The following ACSL6 variants were observed in gnomAD, a reference collection of about 807,000 sequenced individuals.
ACSL6 encodes the protein long-chain-fatty-acid--CoA ligase 6.
Under a neutral mutation model 98.2 loss-of-function variants are expected in ACSL6, and 47 were observed. The observed-to-expected ratio is 0.48, with a 90% CI of 0.38 to 0.61. The LOEUF is 0.61. Among genes scored for constraint, ACSL6 ranks in the 20% least tolerant of loss-of-function variants. The pLI, the probability that ACSL6 is intolerant of heterozygous loss-of-function variation, is 0.00. For missense variants in ACSL6, 761 were observed against 913.4 expected, an observed-to-expected ratio of 0.83 and a Z score of 2.15; for synonymous variants, 362 against 336.9, an observed-to-expected ratio of 1.07 and a Z score of -0.82.
At chr5:131,996,819 A>AC (rs1754816693) in intron 1 of ACSL6, among the ~76,000 whole-genome samples, 1 of 152,236 alleles carries the variant, frequency 6.6e-6, no homozygotes. Flanking sequence ...TGGGAAGGAC[A>AC]CATGAGGAAA....
intron 2 of ACSL6, among the ~76,000 whole-genome samples, chr5:131,992,989 C>T (rs1208228395): frequency 1.3e-5 from 2 of 152,232 alleles, no homozygotes; most frequent in African/African-American, 4.8e-5. Flanking sequence ...CCATACACCT[C>T]AGAGGCACAG....
Position 131,970,172 on chromosome 5 carries a change from C to T in ACSL6, c.1463G>A (p.Cys488Tyr). Residue 488 changes from cysteine (C) to tyrosine (Y), a missense_variant, in exon 15 of 21, where the codon TGC becomes TAC. Cys to Tyr is a radical substitution (Grantham distance 194, BLOSUM62 -2). Coordinates refer to ENST00000651883, the MANE Select transcript of ACSL6 (RefSeq NM_001009185.3). ...AGTGGTGAAGGTACATCCAGCTGTG[C>T]ACTCAGTTTGGCCATAACCTTCATA... is the stretch of plus-strand genomic sequence containing the variant. ...QVYEGYGQTE[C>Y]TAGCTFTTPG... 1.2e-6 allele frequency: 2 copies of T among 1,614,114 alleles called. No homozygotes were observed. Among genetic ancestry groups the T allele is most frequent in the Non-Finnish European group, 1.7e-6 (2 of 1,180,030 alleles).
At chr5:131,966,117 A>G (rs1039574374) in intron 17 of ACSL6, among the ~76,000 whole-genome samples, 3 of 152,100 alleles carry the variant, frequency 2.0e-5, no homozygotes, top group Non-Finnish European at 4.4e-5. Flanking sequence ...CTCCTACTTC[A>G]CATCAGATTC....
chr5:132,001,143 C>G (rs552581213), intron 1 of ACSL6, among the ~76,000 whole-genome samples: 1 of 152,366 alleles, frequency 6.6e-6, no homozygotes, highest in Admixed American at 6.5e-5. Flanking sequence ...AATATGAAAG[C>G]TTCCTTTAAT....
chr5:132,011,835 C>G, upstream of ACSL6: 3 of 1,498,054 alleles, frequency 2.0e-6, no homozygotes, highest in Middle Eastern at 2.4e-4. This position sits in a 1 kb window ranked among gnomAD's most constrained non-coding sequence, Gnocchi z 5.4. Context: ...GTGTCGGAAC[C>G]GCCAAGCTCC....
At chr5:132,000,128 C>T (rs1285794956) in intron 1 of ACSL6, among the ~76,000 whole-genome samples, 1 of 151,896 alleles carries the variant, frequency 6.6e-6, no homozygotes, top group Non-Finnish European at 1.5e-5. Context: ...CCAGGGGCTG[C>T]CTCTGCTCCC....
intron 18 of ACSL6, among the ~76,000 whole-genome samples, chr5:131,961,646 G>A (rs908882415): frequency 2.0e-5 from 3 of 151,856 alleles, no homozygotes; most frequent in East Asian, 2.0e-4. Flanking sequence ...GCAGTGAGCC[G>A]AGATTGTGCC....
Position 131,985,445 on chromosome 5 carries a change from T to G in ACSL6, c.878A>C (p.Asp293Ala), listed in dbSNP as rs1376222687. Residue 293 changes from aspartate (D) to alanine (A), a missense_variant, in exon 9 of 21, where the codon GAT becomes GCT. By Grantham distance (126) the Asp-to-Ala change is moderately radical. Transcript: ENST00000651883. Reference protein sequence around the residue: ...NHQAPVPPQPDDLSIVCFTSG... With the variant: ...NHQAPVPPQPADLSIVCFTSG... ...TGTGAAACACACAATGGAGAGGTCA[T>G]CAGGCTGCGGGGGCTGCAGGGGTGA... is the stretch of plus-strand genomic sequence containing the variant. 6.2e-7 allele frequency: 1 copy of G among 1,613,956 alleles called. No individual in the cohort carries two copies. The highest frequency in any genetic ancestry group is 1.7e-5 in the Admixed American group (1 of 60,016).
At chr5:131,972,130 T>C (rs565981856) in intron 13 of ACSL6, among the ~76,000 whole-genome samples, 11 of 152,334 alleles carry the variant, frequency 7.2e-5, no homozygotes, top group Admixed American at 2.0e-4. Flanking sequence ...TTTATGTAAG[T>C]TGAGCCAAGA....
chr5:131,967,283 G>A (rs904230764), intron 16 of ACSL6, among the ~76,000 whole-genome samples: 74 of 152,238 alleles, frequency 4.9e-4, no homozygotes, highest in Non-Finnish European at 4.3e-4. Context: ...GGAGTTCGAG[G>A]CTATGGTCTC....
At chr5:131,989,703 C>G (rs572782230) in intron 4 of ACSL6, among the ~76,000 whole-genome samples, 195 bp from the exon 5 acceptor site, 10 of 145,862 alleles carry the variant, frequency 6.9e-5, no homozygotes, top group Non-Finnish European at 1.3e-4. Context: ...TCAAGCAATT[C>G]TCCTGTCAGC....
At chr5:131,959,324 A>G (rs899214511) in intron 20 of ACSL6, among the ~76,000 whole-genome samples, 1 of 152,206 alleles carries the variant, frequency 6.6e-6, no homozygotes, top group Non-Finnish European at 1.5e-5. Context: ...GAAAGTTTGT[A>G]ATTATAAGGA....
At chr5:132,010,595 T>G (rs370705223) in intron 1 of ACSL6, among the ~76,000 whole-genome samples, 2 of 152,184 alleles carry the variant, frequency 1.3e-5, no homozygotes, top group African/African-American at 4.8e-5. Flanking sequence ...ACACTAACAT[T>G]CATAGAGCAT....
chr5:132,001,446 A>T (rs770672752), intron 1 of ACSL6, among the ~76,000 whole-genome samples: 2 of 152,118 alleles, frequency 1.3e-5, no homozygotes, highest in Non-Finnish European at 2.9e-5. Context: ...TTTTAATTAG[A>T]TTCACAGAAC....
chr5:131,974,265 T>G (rs1266473000), intron 11 of ACSL6, among the ~76,000 whole-genome samples: 2 of 152,136 alleles, frequency 1.3e-5, no homozygotes, highest in East Asian at 3.9e-4. Context: ...GGATTCCTCC[T>G]CCCACTCCCT....
Position 131,989,508 on chromosome 5 carries a change from C to T in ACSL6, c.451G>A (p.Val151Met), listed in dbSNP as rs3763118. 554 of 1,610,556 alleles carry T rather than the reference C, an allele frequency of 3.4e-4. 4 individuals carry two copies. The Admixed American group carries it at 6.0e-3, about 17-fold the overall frequency. Residue 151 changes from valine to methionine, a missense_variant and splice_region_variant, in exon 5 of 21, where the codon GTG becomes ATG. Coordinates refer to ENST00000651883, the MANE Select transcript of ACSL6 (RefSeq NM_001009185.3). ...QPYQWLSYQEVADRAEFLGSG... is the reference protein window; with the variant it reads ...QPYQWLSYQEMADRAEFLGSG... ...CCCAGAAATTCAGCCCTGTCGGCCA[C>T]CTGCACACAGATGTGGGGAAGTGAT...
intron 1 of ACSL6, among the ~76,000 whole-genome samples, chr5:132,005,377 G>A (rs1755347629): frequency 6.6e-6 from 1 of 152,154 alleles, no homozygotes; most frequent in Non-Finnish European, 1.5e-5. Context: ...GGCCTGGATG[G>A]GTCTCCACTG....
In ACSL6 at chr5:131,953,152, G is replaced by T; in HGVS notation, c.*1082C>A. Reference sequence around the variant, plus strand: ...TTGTAGAGTCAACAGATGTCTTTTAGAATTCATTATAATAAGAAGTCCATG... The same window carrying T: ...TTGTAGAGTCAACAGATGTCTTTTATAATTCATTATAATAAGAAGTCCATG... On this transcript the variant is annotated 3_prime_UTR_variant, in exon 21 of 21. Transcript: ENST00000651883. The T allele has an allele frequency of 5.1e-6, 1 of 195,666 alleles. No individual in the cohort carries two copies. Among genetic ancestry groups the T allele is most frequent in the Non-Finnish European group, 1.1e-5 (1 of 94,392 alleles). The allele number at this position is 195,666 out of a possible 1,614,324, so 12.1% of individuals were successfully genotyped here. A position where few individuals can be genotyped will look rare whatever the true frequency, so the allele number is the denominator to read the frequency against.
At position 131,975,226 on chromosome 5, in the gene ACSL6, C is replaced by T. The variant is rs997663736; in HGVS notation, c.991-256G>A. The T allele has an allele frequency of 4.6e-5, 62 of 1,335,300 alleles. No individual in the cohort carries two copies. The East Asian group carries it at 8.7e-4, about 19-fold the overall frequency. 82.7% of individuals were successfully genotyped at this position (1,335,300 alleles called of 1,614,324 possible). The stretch of plus-strand genomic sequence containing the variant: ...CAGCATAGGAAGCGGAGTGTTAGGT[C>T]GCAGCGTCAGTGGGTCTAGGTTATC... On this transcript the variant is annotated intron_variant, in intron 10 of 20. Coordinates refer to ENST00000651883, the MANE Select transcript of ACSL6 (RefSeq NM_001009185.3).
Sources: gnomAD v4.1 joint callset for allele counts (sites outside exome capture counted in the v4.1 genomes callset) on GRCh38, gnomAD v4.1.1 for gene constraint, Gnocchi (gnomAD v3.1) non-coding constraint, MANE v1.5 for transcripts, NCBI Gene and HGNC (gene_info 2026-07-23, HGNC 2026-07-21) for gene names.